The following KRTDAP variants were observed in gnomAD, a reference collection of about 807,000 sequenced individuals.
KRTDAP encodes the protein keratinocyte differentiation-associated protein.
Under a neutral mutation model 18.6 loss-of-function variants are expected in KRTDAP, and 14 were observed. The ratio of observed to expected loss-of-function variants is 0.75; its 90% confidence interval spans 0.50 to 1.18. The LOEUF is 1.18. KRTDAP is among the 50% of genes most tolerant of loss of function. The pLI is 0.00. For synonymous variants in KRTDAP, 53 were observed against 49.5 expected, an observed-to-expected ratio of 1.07 and a Z score of -0.29; for missense variants, 114 against 121.3, an observed-to-expected ratio of 0.94 and a Z score of 0.28.
chr19:35,488,598 C>A, intron 3 of KRTDAP, 64 bp downstream of exon 3: 1 of 1,610,228 alleles, frequency 6.2e-7, no homozygotes. Flanking sequence ...AGCTCTCTAC[C>A]AAGGCGTTTA....
At chr19:35,487,575 T>C (rs2067498148) in intron 5 of KRTDAP, 109 bp from the exon 6 acceptor site, 2 of 1,182,296 alleles carry the variant, frequency 1.7e-6, no homozygotes, top group Non-Finnish European at 2.5e-6. Context: ...TTCTCCTCTA[T>C]ATGTAGTAGC....
intron 1 of KRTDAP, 40 bp downstream of exon 1, chr19:35,490,316 G>A: frequency 1.5e-6 from 2 of 1,319,506 alleles, no homozygotes; most frequent in Non-Finnish European, 2.1e-6. Flanking sequence ...GGGTAGGTGG[G>A]TAACACGTAT....
At chr19:35,487,614 G>A in intron 5 of KRTDAP, 98 bp downstream of exon 5, 1 of 1,217,798 alleles carries the variant, frequency 8.2e-7, no homozygotes, top group Non-Finnish European at 1.2e-6. Flanking sequence ...TGGTGAGAAG[G>A]CTGATCCTCC....
Position 35,487,347 on chromosome 19 carries a change from G to A in KRTDAP, c.*81C>T. 7.7e-7 allele frequency: 1 copy of A among 1,305,492 alleles called. No individual in the cohort carries two copies. 80.9% of individuals were successfully genotyped at this position (1,305,492 alleles called of 1,614,324 possible). A position where few individuals can be genotyped will look rare whatever the true frequency, so the allele number is the denominator to read the frequency against. On this transcript the variant is annotated 3_prime_UTR_variant, in exon 6 of 6. Transcript: ENST00000338897. Reference sequence around the variant, plus strand: ...GCTGTTGGATGGAAAATGTTTTATTGGAGTTCCTGAGGCAGGAAAGAGTTA... The same window carrying A: ...GCTGTTGGATGGAAAATGTTTTATTAGAGTTCCTGAGGCAGGAAAGAGTTA...
In KRTDAP at chr19:35,488,723, G is replaced by A; in HGVS notation, c.127-20C>T. 6.2e-7 allele frequency: 1 copy of A among 1,614,198 alleles called. No homozygotes were observed. Among genetic ancestry groups the A allele is most frequent in the South Asian group, 1.1e-5 (1 of 91,080 alleles). On this transcript the variant is annotated intron_variant, in intron 2 of 5. Coordinates refer to ENST00000338897, the MANE Select transcript of KRTDAP (RefSeq NM_207392.3). ...AAAGGCCTAGGCAGAAACGCAGGGT[G>A]TTAGGAAAGTTGCTAAGAAGCAAAA...
chr19:35,488,353 A>T (rs748726744), intron 4 of KRTDAP, 88 bp downstream of exon 4: 3 of 1,347,128 alleles, frequency 2.2e-6, no homozygotes, highest in Non-Finnish European at 3.1e-6. Context: ...TCAGGAACCA[A>T]CCCATACATT....
At chr19:35,487,603 T>A in intron 5 of KRTDAP, 109 bp downstream of exon 5, 1 of 1,177,768 alleles carries the variant, frequency 8.5e-7, no homozygotes, top group South Asian at 1.3e-5. Flanking sequence ...TCCCTTCAGT[T>A]TGGTGAGAAG....
intron 1 of KRTDAP, among the ~76,000 whole-genome samples, chr19:35,489,644 T>C (rs920004541): frequency 1.3e-5 from 2 of 152,130 alleles, no homozygotes; most frequent in African/African-American, 2.4e-5. Context: ...ACCACTGGCT[T>C]GGTCCTTAGC....
chr19:35,488,358 T>C (rs1469440377), intron 4 of KRTDAP, 83 bp downstream of exon 4: 1 of 1,404,542 alleles, frequency 7.1e-7, no homozygotes, highest in African/African-American at 1.4e-5. Context: ...AACCAACCCA[T>C]ACATTTAAAG....
chr19:35,489,563 G>A (rs974252090), intron 1 of KRTDAP, among the ~76,000 whole-genome samples: 4 of 152,186 alleles, frequency 2.6e-5, no homozygotes, highest in Non-Finnish European at 5.9e-5. Context: ...TGGGGTGAAA[G>A]CTGCCCTTTC....
At chr19:35,487,529 G>A (rs1284031510) in intron 5 of KRTDAP, 63 bp from the exon 6 acceptor site, 3 of 1,436,856 alleles carry the variant, frequency 2.1e-6, no homozygotes, top group Non-Finnish European at 2.9e-6. Context: ...GGATGGCATG[G>A]ATGGAAAGGA....
rs2067504299 is a variant in KRTDAP at position 35,488,493 on chromosome 19, G to C, written c.169-8C>G. ...CTCATCAGCCTTAAACGCCTGAGGA[G>C]GAAGAGAGACAGCAGAAGCAGGTCA... On this transcript the variant is annotated splice_polypyrimidine_tract_variant and splice_region_variant and intron_variant, in intron 3 of 5. Coordinates refer to ENST00000338897, the MANE Select transcript of KRTDAP (RefSeq NM_207392.3). 1.9e-6 allele frequency: 3 copies of C among 1,613,744 alleles called. No homozygotes were observed. Among genetic ancestry groups the C allele is most frequent in the African/African-American group, 2.7e-5 (2 of 74,926 alleles).
At chr19:35,489,101 G>C (rs773959224) in intron 1 of KRTDAP, among the ~76,000 whole-genome samples, 3 of 152,200 alleles carry the variant, frequency 2.0e-5, no homozygotes, top group Non-Finnish European at 4.4e-5. Flanking sequence ...ATTCCTCTCC[G>C]GAAAAGCTAG....
Position 35,488,694 on chromosome 19 carries a change from T to A in KRTDAP, c.136A>T (p.Thr46Ser). The A allele has an allele frequency of 6.2e-7, 1 of 1,613,622 alleles. No individual in the cohort carries two copies. Among genetic ancestry groups the A allele is most frequent in the South Asian group, 1.1e-5 (1 of 91,048 alleles). The change falls in exon 3 of 6, where the codon ACC (threonine) becomes TCC (serine). Residue 46 changes from threonine (T) to serine (S), a missense_variant. Transcript: ENST00000338897. ...NYASRPEAFNTPFLNIDKLRS... is the reference protein window; with the variant it reads ...NYASRPEAFNSPFLNIDKLRS... ...AATTTGTCGATGTTCAGGAACGGGG[T>A]GTTAAAGGCCTAGGCAGAAACGCAG...
At chr19:35,490,240 G>T in intron 1 of KRTDAP, 116 bp downstream of exon 1, 1 of 608,652 alleles carries the variant, frequency 1.6e-6, no homozygotes, top group Non-Finnish European at 2.9e-6. Context: ...AGTTTCTTCA[G>T]CCCCCATCAG....
chr19:35,488,346 G>T, intron 4 of KRTDAP, 95 bp downstream of exon 4: 1 of 1,296,240 alleles, frequency 7.7e-7, no homozygotes. Flanking sequence ...CCAGAGATCA[G>T]GAACCAACCC....
intron 1 of KRTDAP, among the ~76,000 whole-genome samples, chr19:35,489,705 G>C (rs1323057298): frequency 6.6e-6 from 1 of 152,106 alleles, no homozygotes; most frequent in African/African-American, 2.4e-5. Context: ...ATAGGCATCA[G>C]GATTCCTCTC....
chr19:35,487,762 AAAAG>A lies in KRTDAP; in HGVS notation c.214-7_214-4del, dbSNP rs1321080009. The A allele has an allele frequency of 1.6e-5, 25 of 1,610,984 alleles. No individual in the cohort carries two copies. Among genetic ancestry groups the A allele is most frequent in the Non-Finnish European group, 2.0e-5 (24 of 1,177,300 alleles). On this transcript the variant is annotated splice_polypyrimidine_tract_variant and splice_region_variant and intron_variant, in intron 4 of 5. Coordinates refer to ENST00000338897, the MANE Select transcript of KRTDAP (RefSeq NM_207392.3). ...AAAGGAAGTTTCCTTTTGATAGACT[AAAAG>A]AAAGAAAGAGAAAGAGAGTGATGTG...
rs181967016 is a variant in KRTDAP, at chr19:35,489,987, G to T, written c.87+369C>A. Among the ~76,000 whole-genome samples, 289 of 152,200 alleles carry T rather than the reference G, an allele frequency of 1.9e-3. 1 individual carries two copies. The highest frequency in any genetic ancestry group is 6.3e-3 in the African/African-American group (260 of 41,528). On this transcript the variant is annotated intron_variant, in intron 1 of 5. Coordinates refer to ENST00000338897, the MANE Select transcript of KRTDAP (RefSeq NM_207392.3). ...TGGAGCTGCTCTGCCTCACATTGCC[G>T]TTCTCCAGTTCCCCCTCTTCCCCTG...
Sources: allele counts gnomAD v4.1 joint callset (sites outside exome capture counted in the v4.1 genomes callset), GRCh38; gene constraint gnomAD v4.1.1; transcripts MANE v1.5; gene names NCBI Gene and HGNC (gene_info 2026-07-23, HGNC 2026-07-21).